Variants in KCNT2 observed in about 807,000 individuals in gnomAD.
The protein encoded by KCNT2 is potassium channel subfamily T member 2.
In KCNT2, 67 loss-of-function variants were observed where a neutral mutation model predicts 153.8. The ratio of observed to expected loss-of-function variants is 0.44; its 90% CI spans 0.36 to 0.53. The LOEUF (loss-of-function observed/expected upper bound fraction) is 0.53, where lower values mean the gene tolerates loss of function less well. KCNT2 is among the 20% of genes least tolerant of loss of function. The pLI is 0.00. For missense variants in KCNT2, 975 were observed against 1,354.8 expected (o/e 0.72, Z 4.40); for synonymous variants, 500 against 458.8 (o/e 1.09, Z -1.15).
At chr1:196,565,029 A>G (rs1050195229) in intron 1 of KCNT2, among the ~76,000 whole-genome samples, 11 of 151,818 alleles carry the variant, frequency 7.2e-5, no homozygotes, top group African/African-American at 2.4e-4. Flanking sequence ...AGTAAAAGAC[A>G]ATCTACAGAA....
chr1:196,570,146 A>G lies in KCNT2; in HGVS notation c.95+38069T>C, dbSNP rs144889750. Among the ~76,000 whole-genome samples, 25 of 151,760 alleles carry G rather than the reference A, an allele frequency of 1.6e-4. No individual in the cohort carries two copies. The East Asian group carries it at 4.9e-3, about 29-fold the overall frequency. On this transcript the variant is annotated intron_variant, in intron 1 of 27. Coordinates refer to ENST00000294725, the MANE Select transcript of KCNT2 (RefSeq NM_198503.5). The stretch of plus-strand genomic sequence containing the variant: ...GCTTTGTGTAATGATAGGCAAGGAC[A>G]TTTGAGACAACACTTCATTCCACTA...
At chr1:196,311,345 G>T (rs144672620) in intron 21 of KCNT2, among the ~76,000 whole-genome samples, 1 of 151,834 alleles carries the variant, frequency 6.6e-6, no homozygotes, top group African/African-American at 2.4e-5. Context: ...GGCCAAGCAT[G>T]ATACATTAAC....
intron 5 of KCNT2, among the ~76,000 whole-genome samples, chr1:196,473,195 T>C (rs1678247204): frequency 6.6e-6 from 1 of 152,186 alleles, no homozygotes. Context: ...GCCTTTCAGC[T>C]CTCAACCGAA....
intron 12 of KCNT2, among the ~76,000 whole-genome samples, chr1:196,401,721 T>C (rs1671430622): frequency 6.6e-6 from 1 of 151,642 alleles, no homozygotes; most frequent in South Asian, 2.1e-4. Context: ...TTACATAATA[T>C]AATTGAATTC....
chr1:196,454,463 C>A (rs1216056603), intron 8 of KCNT2, among the ~76,000 whole-genome samples: 3 of 151,866 alleles, frequency 2.0e-5, no homozygotes, highest in African/African-American at 4.8e-5. Context: ...TGAGAATATG[C>A]AGTATTTAGT....
intron 12 of KCNT2, among the ~76,000 whole-genome samples, chr1:196,421,711 C>T (rs1275632625): frequency 6.6e-6 from 1 of 151,910 alleles, no homozygotes; most frequent in African/African-American, 2.4e-5. Context: ...TTTCCTAGGG[C>T]TGCCAAACAA....
chr1:196,371,403 G>A (rs1015531050), intron 14 of KCNT2, among the ~76,000 whole-genome samples: 1 of 151,786 alleles, frequency 6.6e-6, no homozygotes, highest in African/African-American at 2.4e-5. Context: ...TTCTTTATGT[G>A]GTTCTGGAAT....
Position 196,331,201 on chromosome 1 carries a change from A to G in KCNT2, c.2058T>C (p.His686=). 6.2e-7 allele frequency: 1 copy of G among 1,610,160 alleles called. No individual in the cohort carries two copies. The highest frequency in any genetic ancestry group is 8.5e-7 in the Non-Finnish European group (1 of 1,176,744). ...PYIGSSPTFC[H]LLHEKVPFCC... Reference sequence around the variant, plus strand: ...AAAATGGTACTTTTTCATGAAGGAGATGACAAAAAGTGGGTGAACTTCCTA... The same window carrying G: ...AAAATGGTACTTTTTCATGAAGGAGGTGACAAAAAGTGGGTGAACTTCCTA... Residue 686 remains histidine, a synonymous_variant, in exon 18 of 28, where the codon CAT becomes CAC. Coordinates refer to ENST00000294725, the MANE Select transcript of KCNT2 (RefSeq NM_198503.5).
intron 12 of KCNT2, among the ~76,000 whole-genome samples, chr1:196,399,187 G>A (rs1397620822): frequency 1.3e-5 from 2 of 150,950 alleles, no homozygotes; most frequent in Admixed American, 6.6e-5. Flanking sequence ...ATCAAAAAAA[G>A]TTTTTAAAAA....
Position 196,424,339 on chromosome 1 carries a change from T to C in KCNT2, c.1122-1226A>G, listed in dbSNP as rs1362342532. ...CATATTGAACATAATATGAATGTTA[T>C]TCATGTTTATTGTGTGAAGAACTTA... On this transcript the variant is annotated intron_variant, in intron 11 of 27. Transcript: ENST00000294725. 2.6e-5 allele frequency among the ~76,000 whole-genome samples: 4 copies of C among 151,998 alleles called. No homozygotes were observed. In the East Asian group the frequency reaches 5.8e-4, roughly 22 times the overall value.
intron 18 of KCNT2, among the ~76,000 whole-genome samples, chr1:196,329,101 G>A (rs1193657934): frequency 6.6e-6 from 1 of 152,094 alleles, no homozygotes; most frequent in Non-Finnish European, 1.5e-5. Flanking sequence ...GCAGAGAACA[G>A]AGAATTTAGT....
intron 8 of KCNT2, among the ~76,000 whole-genome samples, chr1:196,462,288 C>G (rs554008896): frequency 1.7e-4 from 26 of 151,406 alleles, no homozygotes; most frequent in Non-Finnish European, 3.7e-4. Flanking sequence ...AAAACTGGAG[C>G]CATGGGCATG....
intron 25 of KCNT2, among the ~76,000 whole-genome samples, chr1:196,278,941 G>A (rs980278295): frequency 1.3e-5 from 2 of 152,272 alleles, no homozygotes; most frequent in African/African-American, 4.8e-5. Context: ...TTATAAAAGA[G>A]GACTCAGAGA....
At chr1:196,500,178 G>A (rs1275830604) in intron 1 of KCNT2, among the ~76,000 whole-genome samples, 3 of 148,226 alleles carry the variant, frequency 2.0e-5, no homozygotes, top group Non-Finnish European at 4.5e-5. Context: ...AAGGAAGAAA[G>A]GAAGGAAGGG....
intron 14 of KCNT2, among the ~76,000 whole-genome samples, chr1:196,347,859 T>G (rs1336414339): frequency 6.6e-6 from 1 of 152,188 alleles, no homozygotes; most frequent in African/African-American, 2.4e-5. Context: ...CTCAGCTTAA[T>G]CATTACTTCC....
At chr1:196,437,237 T>C (rs7534597) in intron 8 of KCNT2, among the ~76,000 whole-genome samples, 1 of 114,616 alleles carries the variant, frequency 8.7e-6, no homozygotes, top group Non-Finnish European at 1.8e-5. Context: ...AGCTTATATA[T>C]ATATATATTT....
Position 196,236,061 on chromosome 1 carries a change from T to C in KCNT2, c.3221A>G (p.Asn1074Ser). ...GLSTVGYDEM[N>S]DHQSTLSYIL... Reference sequence around the variant, plus strand: ...GTAGGAGAGGGTACTTTGATGATCATTCATTTCATCTAGAAGATAAATAAA... The same window carrying C: ...GTAGGAGAGGGTACTTTGATGATCACTCATTTCATCTAGAAGATAAATAAA... Residue 1074 changes from asparagine to serine, a missense_variant, in exon 27 of 28, where the codon AAT (asparagine) becomes AGT (serine). Physicochemically the swap from Asn to Ser is conservative, Grantham distance 46. Coordinates refer to ENST00000294725, the MANE Select transcript of KCNT2 (RefSeq NM_198503.5). 1.3e-6 allele frequency: 2 copies of C among 1,582,320 alleles called. No homozygotes were observed. The highest frequency in any genetic ancestry group is 1.7e-6 in the Non-Finnish European group (2 of 1,152,164).
intron 1 of KCNT2, among the ~76,000 whole-genome samples, chr1:196,601,330 T>A (rs764624053): frequency 2.6e-5 from 4 of 152,232 alleles, no homozygotes; most frequent in Non-Finnish European, 5.9e-5. Flanking sequence ...TTCTCCTTTA[T>A]AGCCTAGCAC....
At chr1:196,385,340 CA>C (rs957287294) in intron 13 of KCNT2, among the ~76,000 whole-genome samples, 16 of 152,198 alleles carry the variant, frequency 1.1e-4, no homozygotes, top group African/African-American at 3.9e-4. Context: ...AATTGTGACA[CA>C]ATGGTGAGCA....
Sources: gnomAD v4.1 joint callset for allele counts (sites outside exome capture counted in the v4.1 genomes callset) on GRCh38, gnomAD v4.1.1 for gene constraint, MANE v1.5 for transcripts, NCBI Gene and HGNC (gene_info 2026-07-23, HGNC 2026-07-21) for gene names.